Variants in EIF2A observed in about 807,000 individuals in gnomAD.
EIF2A encodes eukaryotic translation initiation factor 2A.
Under a neutral mutation model 75.2 loss-of-function variants are expected in EIF2A, and 62 were observed. The observed-to-expected ratio is 0.82, with a 90% CI of 0.67 to 1.02. The LOEUF is 1.02. Among genes scored for constraint, EIF2A ranks in the 50% least tolerant of loss-of-function variants. EIF2A has a pLI of 0.00. For synonymous variants in EIF2A, 207 were observed against 239.0 expected, an observed-to-expected ratio of 0.87 and a Z score of 1.23; for missense variants, 611 against 677.7, an observed-to-expected ratio of 0.90 and a Z score of 1.09.
chr3:150,567,558 T>A, intron 6 of EIF2A, 135 bp from the exon 7 acceptor site: 2 of 644,812 alleles, frequency 3.1e-6, no homozygotes, highest in South Asian at 4.3e-5. Context: ...ACTGTGTTAC[T>A]GTATCTCACC....
At chr3:150,569,051 C>CT (rs1724354659) in intron 9 of EIF2A, among the ~76,000 whole-genome samples, 2 of 152,164 alleles carry the variant, frequency 1.3e-5, no homozygotes, top group African/African-American at 2.4e-5. Flanking sequence ...GTAGGGTAAT[C>CT]TATGTTTTAA....
At chr3:150,559,984 A>G (rs1723767049) in intron 3 of EIF2A, among the ~76,000 whole-genome samples, 2 of 152,134 alleles carry the variant, frequency 1.3e-5, no homozygotes, top group African/African-American at 2.4e-5. Flanking sequence ...TATTTGAGTA[A>G]TGAATCAATA....
chr3:150,559,457 C>T (rs969112520), intron 3 of EIF2A, among the ~76,000 whole-genome samples: 13 of 149,710 alleles, frequency 8.7e-5, no homozygotes, highest in African/African-American at 2.2e-4. Context: ...CTCGGCCTCC[C>T]GAAGTGTTGT....
In EIF2A at chr3:150,571,430, G is replaced by A. The variant is rs544568429; in HGVS notation, c.812-528G>A. Among the ~76,000 whole-genome samples the A allele has an allele frequency of 3.6e-3, 555 of 152,170 alleles. 5 individuals are homozygous for A. Among genetic ancestry groups the A allele is most frequent in the African/African-American group, 0.013 (531 of 41,528 alleles). ...CCTGGGATTACAGGCGTGAGCCATC[G>A]CACCTGGTCTTATGTGGCATTTTTA... On this transcript the variant is annotated intron_variant, in intron 9 of 13. Transcript: ENST00000460851.
Position 150,571,954 on chromosome 3 carries a change from C to T in EIF2A, c.812-4C>T. The T allele has an allele frequency of 6.3e-7, 1 of 1,591,008 alleles. No individual in the cohort carries two copies. The highest frequency in any genetic ancestry group is 8.5e-7 in the Non-Finnish European group (1 of 1,171,040). ...CTAATTTGGGCTTTATATTCTTTTT[C>T]TAGCAAAAAATGGCCCCATTTATGA... On this transcript the variant is annotated splice_region_variant and splice_polypyrimidine_tract_variant and intron_variant, in intron 9 of 13. Coordinates refer to ENST00000460851, the MANE Select transcript of EIF2A (RefSeq NM_032025.5).
chr3:150,579,987 A>G (rs560720160), intron 11 of EIF2A, among the ~76,000 whole-genome samples: 66 of 152,218 alleles, frequency 4.3e-4, no homozygotes, highest in African/African-American at 1.3e-3. Context: ...ACCAAAATAT[A>G]TATCTTGTCA....
Position 150,583,964 on chromosome 3 carries a change from G to A in EIF2A, c.*53G>A. 6.4e-7 allele frequency: 1 copy of A among 1,561,450 alleles called. No homozygotes were observed. Among genetic ancestry groups the A allele is most frequent in the Admixed American group, 1.7e-5 (1 of 59,416 alleles). On this transcript the variant is annotated 3_prime_UTR_variant, in exon 14 of 14. Coordinates refer to ENST00000460851, the MANE Select transcript of EIF2A (RefSeq NM_032025.5). Reference sequence around the variant, plus strand: ...AGAAATCAGTGCAAACACATCTTCTGTTAAACCCATTGGTATACACAGAAT... The same window carrying A: ...AGAAATCAGTGCAAACACATCTTCTATTAAACCCATTGGTATACACAGAAT...
At chr3:150,566,014 C>G (rs910297702) in intron 6 of EIF2A, 2 of 152,032 alleles carry the variant, frequency 1.3e-5, no homozygotes, top group African/African-American at 4.8e-5. Context: ...AGGCTGGTCT[C>G]GAGCTCCCGA....
intron 3 of EIF2A, among the ~76,000 whole-genome samples, chr3:150,559,603 GC>G (rs1330739093): frequency 2.0e-5 from 3 of 146,936 alleles, no homozygotes; most frequent in Non-Finnish European, 4.4e-5. Context: ...CGATTCGCCT[GC>G]CTCAGCCTCC....
At chr3:150,551,703 G>A (rs1723325834) in intron 1 of EIF2A, among the ~76,000 whole-genome samples, 2 of 152,128 alleles carry the variant, frequency 1.3e-5, no homozygotes, top group African/African-American at 4.8e-5. Context: ...ACTCCAGCCT[G>A]GGTGACAGCA....
At chr3:150,579,748 T>TA (rs555877094) in intron 11 of EIF2A, among the ~76,000 whole-genome samples, 287 of 152,138 alleles carry the variant, frequency 1.9e-3, no homozygotes, top group African/African-American at 6.5e-3. Flanking sequence ...CTGTATTTTC[T>TA]AAAAACTCTT....
chr3:150,552,375 G>A lies in EIF2A; in HGVS notation c.48G>A (p.Leu16=), dbSNP rs1272101632. ...CTTTAGTCCGAGGATCAGAAGGACTGTACATGGTGAATGGACCACCACATT... is the reference window on the plus strand; with the variant it reads ...CTTTAGTCCGAGGATCAGAAGGACTATACATGGTGAATGGACCACCACATT... ...PLLTVRGSEG[L]YMVNGPPHFT... is the part of the protein sequence containing the mutation. The change falls in exon 2 of 14, where the codon CTG becomes CTA. Residue 16 remains leucine, a synonymous_variant. Coordinates refer to ENST00000460851, the MANE Select transcript of EIF2A (RefSeq NM_032025.5). 2 of 1,552,816 alleles carry A rather than the reference G, an allele frequency of 1.3e-6. No individual in the cohort carries two copies. Among genetic ancestry groups the A allele is most frequent in the East Asian group, 2.4e-5 (1 of 41,094 alleles).
chr3:150,552,547 A>G, intron 2 of EIF2A, 122 bp downstream of exon 2: 2 of 736,376 alleles, frequency 2.7e-6, no homozygotes, highest in Non-Finnish European at 4.3e-6. Context: ...TTATTGTATA[A>G]TATTTACCGA....
rs149106751 is a variant in EIF2A, at chr3:150,565,396, C to G, written c.475+1015C>G. 2.1e-3 allele frequency among the ~76,000 whole-genome samples: 318 copies of G among 152,216 alleles called. 1 individual carries two copies. The highest frequency in any genetic ancestry group is 7.6e-3 in the African/African-American group (314 of 41,542). ...TTGTTGATACTCTGGTTTTTTCTCC[C>G]TCACTTATTTTTCAGCTGTACTGCT... On this transcript the variant is annotated intron_variant, in intron 6 of 13. Transcript: ENST00000460851.
intron 11 of EIF2A, among the ~76,000 whole-genome samples, chr3:150,580,170 A>C (rs946936181): frequency 1.3e-5 from 2 of 152,130 alleles, no homozygotes; most frequent in African/African-American, 4.8e-5. Context: ...TCCAGTCTTA[A>C]GGTGGGGAGA....
intron 11 of EIF2A, among the ~76,000 whole-genome samples, chr3:150,578,332 GTAT>G (rs1433213779): frequency 6.8e-6 from 1 of 147,732 alleles, no homozygotes; most frequent in Non-Finnish European, 1.5e-5. Context: ...AATTATAATT[GTAT>G]TAATTATATA....
chr3:150,583,450 G>A (rs1725304773), intron 13 of EIF2A, among the ~76,000 whole-genome samples, 185 bp downstream of exon 13: 1 of 152,034 alleles, frequency 6.6e-6, no homozygotes, highest in South Asian at 2.1e-4. Context: ...AAGAGATATG[G>A]TATTGATCAT....
Position 150,583,211 on chromosome 3 carries a change from A to G in EIF2A, c.1638A>G (p.Ala546=). Residue 546 remains alanine (A), a synonymous_variant, in exon 13 of 14, where the codon GCA becomes GCG. Transcript: ENST00000460851. ...TTTGATGTTTGCAGAAACTGAAAGCAATCGAACAACTGAAAGAACAAGCAG... is the reference window on the plus strand; with the variant it reads ...TTTGATGTTTGCAGAAACTGAAAGCGATCGAACAACTGAAAGAACAAGCAG... The part of the protein sequence containing the change: ...KIKNLKKKLK[A]IEQLKEQAAT... 5 of 1,612,892 alleles carry G rather than the reference A, an allele frequency of 3.1e-6. No homozygotes were observed. Among genetic ancestry groups the G allele is most frequent in the Non-Finnish European group, 4.2e-6 (5 of 1,179,576 alleles).
intron 7 of EIF2A, 27 bp from the exon 8 acceptor site, chr3:150,567,875 G>C (rs1427836926): frequency 6.3e-7 from 1 of 1,581,490 alleles, no homozygotes; most frequent in Non-Finnish European, 8.5e-7. Context: ...AAAAAATTAA[G>C]TAATGATTTA....
Sources: allele counts gnomAD v4.1 joint callset (sites outside exome capture counted in the v4.1 genomes callset), GRCh38; gene constraint gnomAD v4.1.1; transcripts MANE v1.5; gene names NCBI Gene and HGNC (gene_info 2026-07-23, HGNC 2026-07-21).